MYOZ3: variants seen among roughly 807,000 people sequenced by gnomAD.
MYOZ3 encodes the protein myozenin 3.
MYOZ3 carries 19 observed loss-of-function variants against 26.5 expected under a neutral mutation model. The observed-to-expected ratio is 0.72, with a 90% CI of 0.50 to 1.05. The LOEUF is 1.05. MYOZ3 is among the 50% of genes least tolerant of loss of function. The pLI, the probability that MYOZ3 is intolerant of heterozygous loss-of-function variation, is 0.00. For synonymous variants in MYOZ3, 135 were observed against 138.8 expected (o/e 0.97, Z 0.19); for missense variants, 322 against 337.1 (o/e 0.96, Z 0.35).
intron 2 of MYOZ3, 117 bp from the exon 3 acceptor site, chr5:150,670,367 C>T (rs1295659759): frequency 1.7e-5 from 20 of 1,192,460 alleles, no homozygotes; most frequent in African/African-American, 3.1e-5. Context: ...CACCCGGTGT[C>T]GGCAAGCTTG....
chr5:150,663,261 T>C (rs1310487020), intron 2 of MYOZ3, among the ~76,000 whole-genome samples: 2 of 152,244 alleles, frequency 1.3e-5, no homozygotes, highest in Non-Finnish European at 2.9e-5. Context: ...AAAATGACCC[T>C]GGCCCTGGCT....
chr5:150,675,250 G>T (rs781108439), intron 6 of MYOZ3, among the ~76,000 whole-genome samples: 4 of 152,140 alleles, frequency 2.6e-5, no homozygotes, highest in Non-Finnish European at 5.9e-5. Flanking sequence ...GGGTGTGTGT[G>T]TTAATACTTT....
chr5:150,672,140 T>C, intron 5 of MYOZ3, 200 bp from the exon 6 acceptor site: 1 of 1,028,982 alleles, frequency 9.7e-7, no homozygotes, highest in Non-Finnish European at 1.5e-6. Flanking sequence ...CGTGGCTTCC[T>C]CACTGCAGTC....
chr5:150,671,804 A>C lies in MYOZ3; in HGVS notation c.320A>C (p.His107Pro), dbSNP rs1758916740. The change falls in exon 5 of 7, where the codon CAC becomes CCC. Residue 107 changes from histidine (H) to proline (P), a missense_variant. By Grantham distance (77) the His-to-Pro change is moderately conservative. Coordinates refer to ENST00000517768, the MANE Select transcript of MYOZ3 (RefSeq NM_001122853.3). ...GGGCCGAACTACCGCTCGGAGCTCC[A>C]CATCTTCCCGGCCTCACCCGGGGCC... is the stretch of plus-strand genomic sequence containing the variant. ...PEGPNYRSEL[H>P]IFPASPGASL... 6.2e-7 allele frequency: 1 copy of C among 1,612,814 alleles called. No individual in the cohort carries two copies. The highest frequency in any genetic ancestry group is 8.5e-7 in the Non-Finnish European group (1 of 1,179,884).
Position 150,671,840 on chromosome 5 carries a change from G to A in MYOZ3, c.356G>A (p.Gly119Asp), listed in dbSNP as rs1231422914. Residue 119 changes from glycine to aspartate, a missense_variant, in exon 5 of 7, where the codon GGT becomes GAT. Physicochemically the swap from Gly to Asp is moderately conservative, Grantham distance 94 (BLOSUM62 -1). Coordinates refer to ENST00000517768, the MANE Select transcript of MYOZ3 (RefSeq NM_001122853.3). ...FPASPGASLG[G>D]PEGAHPAAAP... Reference sequence around the variant, plus strand: ...GCCTCACCCGGGGCCTCACTCGGGGGTCCCGAGGGCGCCCACCCTGCAGCC... The same window carrying A: ...GCCTCACCCGGGGCCTCACTCGGGGATCCCGAGGGCGCCCACCCTGCAGCC... The A allele has an allele frequency of 3.1e-6, 5 of 1,608,604 alleles. No homozygotes were observed. The highest frequency in any genetic ancestry group is 4.2e-6 in the Non-Finnish European group (5 of 1,178,782).
chr5:150,672,536 G>A (rs772694815), intron 6 of MYOZ3, 34 bp downstream of exon 6: 1 of 1,526,512 alleles, frequency 6.6e-7, no homozygotes, highest in Non-Finnish European at 8.8e-7. Context: ...GGGACAGACC[G>A]GGAGGGGCGG....
chr5:150,673,349 A>AT (rs953906998), intron 6 of MYOZ3: 4 of 152,004 alleles, frequency 2.6e-5, no homozygotes, highest in African/African-American at 9.7e-5. Context: ...TGTTGTTATT[A>AT]TTATTATTTG....
In MYOZ3 at chr5:150,671,777, A is replaced by AG. The variant is rs1173069299; in HGVS notation, c.297dup (p.Pro100AlafsTer145). On this transcript the variant is annotated frameshift_variant, in exon 5 of 7. Transcript: ENST00000517768. LOFTEE classifies it high-confidence loss of function. ...CAGGTTGCCAATGCCAATGGCCCTG[A>AG]GGGGCCGAACTACCGCTCGGAGCTC... The AG allele has an allele frequency of 1.9e-6, 3 of 1,613,010 alleles. No homozygotes were observed. Among genetic ancestry groups the AG allele is most frequent in the Non-Finnish European group, 2.5e-6 (3 of 1,179,920 alleles).
Position 150,677,776 on chromosome 5 carries a change from A to G in MYOZ3, c.*901A>G, listed in dbSNP as rs1759040399. The G allele has an allele frequency of 6.6e-6, 1 of 152,214 alleles. No individual in the cohort carries two copies. Among genetic ancestry groups the G allele is most frequent in the African/African-American group, 2.4e-5 (1 of 41,446 alleles). The allele number at this position is 152,214 out of a possible 1,614,324, so 9.4% of individuals were successfully genotyped here. Reference sequence around the variant, plus strand: ...ATGAAGTCACCATAATTTTCCCTAAAGCATGCTTATTGACAATTGAGGAAC... The same window carrying G: ...ATGAAGTCACCATAATTTTCCCTAAGGCATGCTTATTGACAATTGAGGAAC... On this transcript the variant is annotated 3_prime_UTR_variant, in exon 7 of 7. Coordinates refer to ENST00000517768, the MANE Select transcript of MYOZ3 (RefSeq NM_001122853.3).
intron 2 of MYOZ3, 121 bp from the exon 3 acceptor site, chr5:150,670,363 G>T (rs1323130669): frequency 1.8e-6 from 2 of 1,132,324 alleles, no homozygotes; most frequent in South Asian, 4.8e-5. Context: ...ATGACACCCG[G>T]TGTCGGCAAG....
Position 150,671,747 on chromosome 5 carries a change from G to A in MYOZ3, c.271-8G>A. ...CGGTGGCCTCTGAGAACCCGCCCCT[G>A]TGCCCAGGTTGCCAATGCCAATGGC... On this transcript the variant is annotated splice_region_variant and splice_polypyrimidine_tract_variant and intron_variant, in intron 4 of 6. Transcript: ENST00000517768. 1 of 1,613,362 alleles carries A rather than the reference G, an allele frequency of 6.2e-7. No homozygotes were observed. Among genetic ancestry groups the A allele is most frequent in the Non-Finnish European group, 8.5e-7 (1 of 1,179,958 alleles).
chr5:150,674,178 A>G (rs1447210872), intron 6 of MYOZ3, among the ~76,000 whole-genome samples: 9 of 152,228 alleles, frequency 5.9e-5, no homozygotes, highest in Admixed American at 2.0e-4. Context: ...GTTCCCTGGC[A>G]GGCAGGACTG....
In MYOZ3 at chr5:150,671,906, C is replaced by T. The variant is rs1317162358; in HGVS notation, c.422C>T (p.Pro141Leu). The stretch of plus-strand genomic sequence containing the variant: ...GTCCCCAGCCCCAGCGCCCTGGCGC[C>T]AGGTGAGTGGCCTCCTCGGGTCCCG... The part of the protein sequence containing the change: ...GCVPSPSALA[P>L]GYAEPLKGVP... Residue 141 changes from proline (P) to leucine (L), a missense_variant and splice_region_variant, in exon 5 of 7, where the codon CCA becomes CTA. Physicochemically the swap from Pro to Leu is moderately conservative, Grantham distance 98 (BLOSUM62 -3). Transcript: ENST00000517768. 4 of 1,539,528 alleles carry T rather than the reference C, an allele frequency of 2.6e-6. No homozygotes were observed. Among genetic ancestry groups the T allele is most frequent in the Non-Finnish European group, 3.5e-6 (4 of 1,149,502 alleles).
At chr5:150,663,394 C>T (rs1441145700) in intron 2 of MYOZ3, among the ~76,000 whole-genome samples, 4 of 152,212 alleles carry the variant, frequency 2.6e-5, no homozygotes, top group African/African-American at 7.2e-5. Context: ...GTGGGTCTCA[C>T]CGAGGCCTCT....
intron 3 of MYOZ3, 42 bp from the exon 4 acceptor site, chr5:150,671,555 C>T (rs1758909631): frequency 6.2e-7 from 1 of 1,612,090 alleles, no homozygotes. Context: ...TCCCCTGCCC[C>T]GCTGAGCTTC....
intron 3 of MYOZ3, 90 bp from the exon 4 acceptor site, chr5:150,671,507 C>A: frequency 7.2e-7 from 1 of 1,380,690 alleles, no homozygotes; most frequent in East Asian, 2.5e-5. Context: ...ATTCTTGCCT[C>A]CCCCCGACCT....
intron 2 of MYOZ3, among the ~76,000 whole-genome samples, chr5:150,666,487 G>A (rs922030161): frequency 1.3e-5 from 2 of 151,432 alleles, no homozygotes; most frequent in African/African-American, 4.9e-5. Flanking sequence ...GGTGGCTCAT[G>A]CCCATAGTCC....
At chr5:150,672,769 CT>C in intron 6 of MYOZ3, 1 of 448,300 alleles carries the variant, frequency 2.2e-6, no homozygotes. Context: ...TTTTCCTGTT[CT>C]GCAGATGAAG....
chr5:150,671,264 C>G (rs1453456432), intron 3 of MYOZ3, among the ~76,000 whole-genome samples: 2 of 152,200 alleles, frequency 1.3e-5, no homozygotes, highest in Non-Finnish European at 2.9e-5. Context: ...GCTAGCTAAG[C>G]ACTTTGCAGG....
Sources: allele counts gnomAD v4.1 joint callset (sites outside exome capture counted in the v4.1 genomes callset), GRCh38; gene constraint gnomAD v4.1.1; transcripts MANE v1.5; gene names NCBI Gene and HGNC (gene_info 2026-07-23, HGNC 2026-07-21).